Variants in TLL2 observed in about 807,000 individuals in gnomAD.
TLL2 encodes the protein tolloid like 2.
In TLL2, 106 loss-of-function variants were observed where a neutral mutation model predicts 123.0. That is an observed-to-expected ratio of 0.86 (90% CI 0.74 to 1.01). TLL2 has a LOEUF of 1.01. TLL2 is among the 50% of genes least tolerant of loss of function. TLL2 has a pLI of 0.00. For missense variants in TLL2, 1,332 were observed against 1,336.7 expected (o/e 1.00, Z 0.06); for synonymous variants, 494 against 516.8 (o/e 0.96, Z 0.60).
intron 11 of TLL2, among the ~76,000 whole-genome samples, chr10:96,396,571 T>C (rs1227061850): frequency 6.6e-6 from 1 of 151,124 alleles, no homozygotes; most frequent in Non-Finnish European, 1.5e-5. Context: ...TTCTGGTAGT[T>C]TTCCCCTTTC....
At position 96,484,750 on chromosome 10, in the gene TLL2, G is replaced by T. The variant is rs138791793; in HGVS notation, c.176-4291C>A. On this transcript the variant is annotated intron_variant, in intron 1 of 20. Coordinates refer to ENST00000357947, the MANE Select transcript of TLL2 (RefSeq NM_012465.4). ...AACCAAGCCCTGTACTCGACACATAGATGCTTTCCCTGCAGAGATCAAATA... is the reference window on the plus strand; with the variant it reads ...AACCAAGCCCTGTACTCGACACATATATGCTTTCCCTGCAGAGATCAAATA... 3.0e-3 allele frequency among the ~76,000 whole-genome samples: 457 copies of T among 152,176 alleles called. 2 individuals are homozygous for T. The highest frequency in any genetic ancestry group is 0.011 in the African/African-American group (437 of 41,520).
At chr10:96,389,390 G>T (rs765045512) in intron 13 of TLL2, among the ~76,000 whole-genome samples, 1 of 152,202 alleles carries the variant, frequency 6.6e-6, no homozygotes, top group Non-Finnish European at 1.5e-5. Context: ...GCACAATGAT[G>T]GGGCAGTGAA....
intron 2 of TLL2, among the ~76,000 whole-genome samples, chr10:96,477,036 T>C: frequency 9.1e-6 from 1 of 109,496 alleles, no homozygotes; most frequent in African/African-American, 4.0e-5. Flanking sequence ...ACTGGACTTT[T>C]TTTTTTTTTT....
chr10:96,435,738 C>A (rs1322883751), intron 3 of TLL2, among the ~76,000 whole-genome samples: 1 of 152,168 alleles, frequency 6.6e-6, no homozygotes, highest in Non-Finnish European at 1.5e-5. Flanking sequence ...ATGGAATTGT[C>A]TTGGTGCTCT....
At position 96,384,695 on chromosome 10, in the gene TLL2, C is replaced by A. The variant is rs746060649; in HGVS notation, c.2086G>T (p.Gly696Cys). Residue 696 changes from glycine (G) to cysteine (C), a missense_variant, in exon 16 of 21, where the codon GGC (glycine) becomes TGC (cysteine). Gly to Cys is a radical substitution (Grantham distance 159). Coordinates refer to ENST00000357947, the MANE Select transcript of TLL2 (RefSeq NM_012465.4). ...PDAKLHGRFC[G>C]SETPEVITSQ... ...GTGATGACCTCCGGCGTCTCAGAGC[C>A]GCAGAACCTGCCGTGCAGCTTGGCG... 6.2e-6 allele frequency: 10 copies of A among 1,612,748 alleles called. No homozygotes were observed. The Admixed American group carries it at 1.3e-4, about 22-fold the overall frequency.
At chr10:96,426,994 T>G (rs1846684434) in intron 5 of TLL2, among the ~76,000 whole-genome samples, 1 of 152,196 alleles carries the variant, frequency 6.6e-6, no homozygotes, top group Admixed American at 6.5e-5. Flanking sequence ...TGTGGATACT[T>G]AAGTCTGTGG....
chr10:96,397,570 T>C (rs777837935), intron 10 of TLL2, among the ~76,000 whole-genome samples: 13 of 152,140 alleles, frequency 8.5e-5, no homozygotes, highest in Non-Finnish European at 1.5e-4. Context: ...AGGCAGCCTC[T>C]CCCCTGCCGA....
rs534884268 is a variant in TLL2, at chr10:96,460,764, C to T, written c.287-14596G>A. On this transcript the variant is annotated intron_variant, in intron 2 of 20. Coordinates refer to ENST00000357947, the MANE Select transcript of TLL2 (RefSeq NM_012465.4). Reference sequence around the variant, plus strand: ...TAAACCTCTTTTCTTCATAAATCGCCCAGTCTCAGGTAGTTCCTTATAGCA... The same window carrying T: ...TAAACCTCTTTTCTTCATAAATCGCTCAGTCTCAGGTAGTTCCTTATAGCA... 4.6e-5 allele frequency among the ~76,000 whole-genome samples: 7 copies of T among 152,268 alleles called. No homozygotes were observed. The South Asian group carries it at 1.5e-3, about 32-fold the overall frequency.
At chr10:96,414,706 G>C (rs1169756177) in intron 7 of TLL2, among the ~76,000 whole-genome samples, 1 of 152,056 alleles carries the variant, frequency 6.6e-6, no homozygotes, top group Non-Finnish European at 1.5e-5. Context: ...TGTCCTATGG[G>C]CCTCTTATAT....
At chr10:96,480,274 G>A (rs1440175159) in intron 2 of TLL2, 75 bp downstream of exon 2, 8 of 1,231,348 alleles carry the variant, frequency 6.5e-6, no homozygotes, top group African/African-American at 1.5e-5. Flanking sequence ...CCGATGACTC[G>A]TGGACCACAT....
At chr10:96,410,735 C>T (rs1434513291) in intron 8 of TLL2, 2 of 559,430 alleles carry the variant, frequency 3.6e-6, no homozygotes, top group Admixed American at 2.3e-5. Context: ...AATCTTAGCT[C>T]TCTGGCCAGC....
At chr10:96,407,620 C>A (rs1846463085) in intron 9 of TLL2, among the ~76,000 whole-genome samples, 1 of 152,230 alleles carries the variant, frequency 6.6e-6, no homozygotes, top group Non-Finnish European at 1.5e-5. Context: ...TAGCATACCA[C>A]AACTAACACT....
Position 96,428,899 on chromosome 10 carries a change from G to C in TLL2, c.521-151C>G, listed in dbSNP as rs574192725. ...GGCTCACTGCAACTTCTGCCTCCTG[G>C]GTTCAAGCGATTCTCCTGCCTCAGC... On this transcript the variant is annotated intron_variant, in intron 4 of 20. Coordinates refer to ENST00000357947, the MANE Select transcript of TLL2 (RefSeq NM_012465.4). 12 of 570,450 alleles carry C rather than the reference G, an allele frequency of 2.1e-5. No homozygotes were observed. The East Asian group carries it at 2.8e-4, about 13-fold the overall frequency. The allele number at this position is 570,450 out of a possible 1,614,324, so 35.3% of individuals were successfully genotyped here. A position where few individuals can be genotyped will look rare whatever the true frequency, so the allele number is the denominator to read the frequency against.
At chr10:96,391,968 G>A (rs558799871) in intron 13 of TLL2, among the ~76,000 whole-genome samples, 8 of 152,252 alleles carry the variant, frequency 5.3e-5, no homozygotes, top group African/African-American at 9.6e-5. Flanking sequence ...CCTGGGCCCC[G>A]TCGCAGACTG....
chr10:96,513,055 C>A (rs1847647294), intron 1 of TLL2, among the ~76,000 whole-genome samples: 1 of 152,268 alleles, frequency 6.6e-6, no homozygotes, highest in Non-Finnish European at 1.5e-5. Flanking sequence ...CCAAGAGTAA[C>A]CACAGATCTT....
intron 1 of TLL2, among the ~76,000 whole-genome samples, chr10:96,503,526 A>G (rs927105171): frequency 6.6e-6 from 1 of 152,168 alleles, no homozygotes; most frequent in Non-Finnish European, 1.5e-5. Context: ...AATCTCTACA[A>G]CAGGATGCTC....
chr10:96,504,880 C>T (rs538704740), intron 1 of TLL2, among the ~76,000 whole-genome samples: 39 of 152,026 alleles, frequency 2.6e-4, no homozygotes, highest in Non-Finnish European at 5.3e-4. Flanking sequence ...TGGTGGCGGG[C>T]GCCTGTAGCG....
intron 4 of TLL2, 148 bp downstream of exon 4, chr10:96,432,659 T>G: frequency 9.8e-7 from 1 of 1,024,578 alleles, no homozygotes; most frequent in Non-Finnish European, 1.4e-6. Context: ...GGGCCAGGAC[T>G]TGCCGGCAAG....
intron 13 of TLL2, among the ~76,000 whole-genome samples, chr10:96,388,508 A>C (rs1349430986): frequency 6.6e-6 from 1 of 152,252 alleles, no homozygotes; most frequent in Non-Finnish European, 1.5e-5. Flanking sequence ...AAAGTTACCC[A>C]GTCATGCCCT....
Sources: gnomAD v4.1 joint callset for allele counts (sites outside exome capture counted in the v4.1 genomes callset) on GRCh38, gnomAD v4.1.1 for gene constraint, MANE v1.5 for transcripts, NCBI Gene and HGNC (gene_info 2026-07-23, HGNC 2026-07-21) for gene names.